The following EPHA6 variants were observed in gnomAD, a reference collection of about 807,000 sequenced individuals.
The protein encoded by EPHA6 is EPH receptor A6.
A neutral mutation model predicts 112.0 loss-of-function variants in EPHA6; 50 were observed. That is an observed-to-expected ratio of 0.45 (90% CI 0.36 to 0.56). The LOEUF (loss-of-function observed/expected upper bound fraction) is 0.56, where lower values mean the gene tolerates loss of function less well. Among genes scored for constraint, EPHA6 ranks in the 20% least tolerant of loss-of-function variants. The probability of loss-of-function intolerance (pLI) is 0.00; values close to 1 mark genes in which losing one functional copy is unlikely to be tolerated. For missense variants in EPHA6, 1,280 were observed against 1,417.4 expected, an observed-to-expected ratio of 0.90 and a Z score of 1.56; for synonymous variants, 529 against 490.7, an observed-to-expected ratio of 1.08 and a Z score of -1.03.
chr3:96,814,809 A>G lies in EPHA6; in HGVS notation c.186A>G (p.Glu62=), dbSNP rs1163426956. Residue 62 remains glutamate, a synonymous_variant, in exon 1 of 18, where the codon GAA becomes GAG. Transcript: ENST00000389672. ...TGGAGGAGGAAGAGGAGGAGGAGGAAGAAGACGTGGACAAGGACCCCCATC... is the reference window on the plus strand; with the variant it reads ...TGGAGGAGGAAGAGGAGGAGGAGGAGGAAGACGTGGACAAGGACCCCCATC... ...GRVEEEEEEE[E]EDVDKDPHPT... 5 of 1,599,390 alleles carry G rather than the reference A, an allele frequency of 3.1e-6. No individual in the cohort carries two copies. The highest frequency in any genetic ancestry group is 4.5e-5 in the East Asian group (2 of 44,138).
intron 7 of EPHA6, among the ~76,000 whole-genome samples, chr3:97,461,274 G>A (rs933705755): frequency 6.6e-6 from 1 of 152,104 alleles, no homozygotes; most frequent in African/African-American, 2.4e-5. Flanking sequence ...TAGCAAAGAG[G>A]AATTTTGTGT....
At chr3:97,560,756 G>C (rs745574864) in intron 11 of EPHA6, among the ~76,000 whole-genome samples, 1 of 151,946 alleles carries the variant, frequency 6.6e-6, no homozygotes, top group Non-Finnish European at 1.5e-5. Flanking sequence ...AACAAATACA[G>C]GGATACTCAT....
chr3:97,128,752 T>G (rs2048252417), intron 3 of EPHA6, among the ~76,000 whole-genome samples: 1 of 152,064 alleles, frequency 6.6e-6, no homozygotes, highest in Non-Finnish European at 1.5e-5. Context: ...ACTCCTGGCC[T>G]CAAGTGATCT....
chr3:97,443,230 T>C (rs181278712), intron 6 of EPHA6, among the ~76,000 whole-genome samples: 2 of 152,046 alleles, frequency 1.3e-5, no homozygotes, highest in East Asian at 1.9e-4. Context: ...AGGATGTAAA[T>C]GACTTAGATG....
chr3:96,963,160 C>CA (rs376176100), intron 2 of EPHA6, among the ~76,000 whole-genome samples: 17,254 of 85,458 alleles, frequency 0.2, 2,204 homozygotes, highest in African/African-American at 0.41. Flanking sequence ...AAACTGCATC[C>CA]AAAAAAAAAA....
chr3:97,076,363 G>A (rs1034460665), intron 3 of EPHA6, among the ~76,000 whole-genome samples: 3 of 152,200 alleles, frequency 2.0e-5, no homozygotes, highest in Admixed American at 6.5e-5. Context: ...ACAACATTCC[G>A]TTAAGCCAAA....
intron 11 of EPHA6, among the ~76,000 whole-genome samples, chr3:97,557,384 C>T (rs2093126366): frequency 6.6e-6 from 1 of 151,770 alleles, no homozygotes. Flanking sequence ...GTTCATTAGC[C>T]ATTTTCATCT....
Position 97,444,816 on chromosome 3 carries a change from G to T in EPHA6, c.1732-3752G>T, listed in dbSNP as rs540964031. On this transcript the variant is annotated intron_variant, in intron 6 of 17. Coordinates refer to ENST00000389672, the MANE Select transcript of EPHA6 (RefSeq NM_001080448.3). The stretch of plus-strand genomic sequence containing the variant: ...ACAGGTTCCAGACTCTAGCAAGAGG[G>T]TCCATTTTAGTTACCATGAAAAGTT... Among the ~76,000 whole-genome samples, 153 of 152,202 alleles carry T rather than the reference G, an allele frequency of 1.0e-3. No individual in the cohort carries two copies. In the South Asian group the frequency reaches 0.013, roughly 13 times the overall value.
chr3:96,872,050 A>G (rs1314086086), intron 2 of EPHA6, among the ~76,000 whole-genome samples: 2 of 152,132 alleles, frequency 1.3e-5, no homozygotes, highest in African/African-American at 2.4e-5. Flanking sequence ...TAAGCGAGAC[A>G]TAATTCTTAC....
chr3:97,393,847 G>A (rs1489057255), intron 5 of EPHA6, among the ~76,000 whole-genome samples: 1 of 151,610 alleles, frequency 6.6e-6, no homozygotes, highest in East Asian at 1.9e-4. Context: ...CCTGTGCTGG[G>A]TTTATATCAC....
At chr3:96,995,185 T>G (rs1037449369) in intron 3 of EPHA6, among the ~76,000 whole-genome samples, 10 of 152,042 alleles carry the variant, frequency 6.6e-5, no homozygotes, top group African/African-American at 2.4e-4. Flanking sequence ...ATTTATGCTG[T>G]GTGTTTATGA....
intron 2 of EPHA6, among the ~76,000 whole-genome samples, chr3:96,980,229 T>C (rs2042707437): frequency 6.6e-6 from 1 of 152,294 alleles, no homozygotes; most frequent in Non-Finnish European, 1.5e-5. Context: ...GATTTTTGTA[T>C]AAGGTGTAAG....
At chr3:97,520,256 C>T (rs908632483) in intron 10 of EPHA6, among the ~76,000 whole-genome samples, 21 of 152,156 alleles carry the variant, frequency 1.4e-4, no homozygotes, top group Middle Eastern at 3.4e-3. Context: ...TGTGAACCAC[C>T]GCACCCAGCT....
At chr3:97,321,660 T>C (rs1205224817) in intron 5 of EPHA6, among the ~76,000 whole-genome samples, 2 of 151,892 alleles carry the variant, frequency 1.3e-5, no homozygotes, top group African/African-American at 4.8e-5. Context: ...TTAGCTTTTT[T>C]AAAGTGACAT....
intron 11 of EPHA6, among the ~76,000 whole-genome samples, chr3:97,534,153 A>T (rs1272389690): frequency 1.3e-5 from 2 of 152,304 alleles, no homozygotes; most frequent in South Asian, 4.1e-4. Flanking sequence ...CCACATCTGT[A>T]AAATGGGACA....
chr3:97,650,412 G>A (rs1420676858), intron 14 of EPHA6, among the ~76,000 whole-genome samples: 1 of 152,020 alleles, frequency 6.6e-6, no homozygotes, highest in African/African-American at 2.4e-5. Context: ...TTCCTGAAAA[G>A]CCCTCATCTA....
At chr3:97,104,577 G>A (rs12695490) in intron 3 of EPHA6, among the ~76,000 whole-genome samples, 8,527 of 152,094 alleles carry the variant, frequency 0.056, 296 homozygotes, top group Middle Eastern at 0.14. Context: ...TTGCGTCAAT[G>A]TTTATCAAGG....
intron 2 of EPHA6, among the ~76,000 whole-genome samples, chr3:96,899,081 A>G (rs2038456220): frequency 6.6e-6 from 1 of 151,782 alleles, no homozygotes; most frequent in South Asian, 2.1e-4. Flanking sequence ...TTATTGCCTC[A>G]CAGTTCTAGA....
intron 6 of EPHA6, among the ~76,000 whole-genome samples, chr3:97,432,655 G>T (rs146139273): frequency 1.2e-3 from 181 of 152,252 alleles, no homozygotes; most frequent in Non-Finnish European, 2.2e-3. Flanking sequence ...AAGGAATGAG[G>T]TTTAATTGAC....
Sources: allele counts gnomAD v4.1 joint callset (sites outside exome capture counted in the v4.1 genomes callset), GRCh38; gene constraint gnomAD v4.1.1; transcripts MANE v1.5; gene names NCBI Gene and HGNC (gene_info 2026-07-23, HGNC 2026-07-21).